The following LMNB2 variants were observed in gnomAD, a reference collection of about 807,000 sequenced individuals.
LMNB2 encodes lamin-B2.
In LMNB2, 17 loss-of-function variants were observed where a neutral mutation model predicts 69.3. The ratio of observed to expected loss-of-function variants is 0.25; its 90% CI spans 0.17 to 0.37. The LOEUF (loss-of-function observed/expected upper bound fraction) is 0.37, where lower values mean the gene tolerates loss of function less well. LMNB2 is among the 10% of genes least tolerant of loss of function. The probability of loss-of-function intolerance (pLI) is 1.00; values close to 1 mark genes in which losing one functional copy is unlikely to be tolerated. For missense variants in LMNB2, 789 were observed against 883.6 expected (o/e 0.89, Z 1.36); for synonymous variants, 397 against 389.3 (o/e 1.02, Z -0.23).
chr19:2,454,307 A>G (rs1190400858), intron 1 of LMNB2, among the ~76,000 whole-genome samples: 2 of 151,124 alleles, frequency 1.3e-5, no homozygotes, highest in African/African-American at 2.4e-5. Flanking sequence ...AAAAAAAAAA[A>G]AAAAAAGAAA....
Position 2,443,464 on chromosome 19 carries a change from GGCT to G in LMNB2, c.401+937_401+939del, listed in dbSNP as rs1365207950. Among the ~76,000 whole-genome samples the G allele has an allele frequency of 6.6e-6, 1 of 152,130 alleles. No individual in the cohort carries two copies. Among genetic ancestry groups the G allele is most frequent in the Non-Finnish European group, 1.5e-5 (1 of 68,018 alleles). ...GGACAACGTGGATTCTCAAGCCACT[GGCT>G]GCTGTCACCCCCGTACCAGGTGGCC... On this transcript the variant is annotated intron_variant, in intron 2 of 11. Coordinates refer to ENST00000325327, the MANE Select transcript of LMNB2 (RefSeq NM_032737.4). This position sits in a 1 kb window ranked among gnomAD's most constrained non-coding sequence, Gnocchi z 6.2.
At chr19:2,455,620 G>C (rs1423568028) in intron 1 of LMNB2, among the ~76,000 whole-genome samples, 1 of 151,836 alleles carries the variant, frequency 6.6e-6, no homozygotes, top group Non-Finnish European at 1.5e-5. Context: ...CTCAGGACAC[G>C]GAAGATCTCC....
intron 1 of LMNB2, among the ~76,000 whole-genome samples, chr19:2,445,897 C>G (rs1971949975): frequency 1.4e-5 from 1 of 70,544 alleles, no homozygotes; most frequent in Admixed American, 1.3e-4. Context: ...CCTTTCACCC[C>G]TCGATCACAG....
chr19:2,438,110 G>A, intron 4 of LMNB2, 53 bp downstream of exon 4: 3 of 1,609,414 alleles, frequency 1.9e-6, no homozygotes, highest in East Asian at 2.2e-5. Flanking sequence ...CAGCCATGAG[G>A]GTGGACTTTG....
At chr19:2,442,172 A>G (rs1599337058) in intron 2 of LMNB2, among the ~76,000 whole-genome samples, 1 of 152,194 alleles carries the variant, frequency 6.6e-6, no homozygotes, top group Non-Finnish European at 1.5e-5. Flanking sequence ...TAAGAAAAAC[A>G]TTAGGCTTGG....
intron 1 of LMNB2, among the ~76,000 whole-genome samples, chr19:2,445,227 T>C (rs1329556972): frequency 9.5e-6 from 1 of 105,190 alleles, no homozygotes; most frequent in Non-Finnish European, 2.0e-5. Context: ...CCCCTGAGAC[T>C]CCCCCCAGGC....
intron 1 of LMNB2, among the ~76,000 whole-genome samples, chr19:2,454,873 C>T (rs1026111224): frequency 1.3e-5 from 2 of 152,092 alleles, no homozygotes; most frequent in Non-Finnish European, 2.9e-5. Context: ...TGCACCCAGA[C>T]CCCAAGACAC....
chr19:2,431,104 A>G (rs1971733721), intron 11 of LMNB2, 152 bp from the exon 12 acceptor site: 3 of 701,048 alleles, frequency 4.3e-6, no homozygotes, highest in Admixed American at 2.1e-5. Flanking sequence ...CCATGTCCCC[A>G]TGAGCCCGCC....
At chr19:2,452,426 T>G (rs1972033440) in intron 1 of LMNB2, among the ~76,000 whole-genome samples, 1 of 147,858 alleles carries the variant, frequency 6.8e-6, no homozygotes, top group Non-Finnish European at 1.5e-5. Context: ...AGAGAGAGAC[T>G]CTGTCTAGAA....
chr19:2,438,667 C>T lies in LMNB2; in HGVS notation c.402-136G>A, dbSNP rs11882177. 7,117 of 1,070,138 alleles carry T rather than the reference C, an allele frequency of 6.7e-3. 347 individuals are homozygous for T. In the African/African-American group the frequency reaches 0.1, roughly 15 times the overall value. The allele number at this position is 1,070,138 out of a possible 1,614,324, so 66.3% of individuals were successfully genotyped here. ...GCCCCAGACCTTCCCGTCCTGCAGA[C>T]GACGCGGCCCCACGCGCCCAGGCAA... On this transcript the variant is annotated intron_variant, in intron 2 of 11. Transcript: ENST00000325327.
At chr19:2,446,621 C>T (rs990731227) in intron 1 of LMNB2, among the ~76,000 whole-genome samples, 10 of 152,212 alleles carry the variant, frequency 6.6e-5, no homozygotes, top group African/African-American at 1.7e-4. Flanking sequence ...GATGCCACTT[C>T]GCACCAGCCA....
chr19:2,439,479 C>T (rs925875387), intron 2 of LMNB2, among the ~76,000 whole-genome samples: 2 of 152,152 alleles, frequency 1.3e-5, no homozygotes, highest in African/African-American at 2.4e-5. Context: ...CCCTGGCCTC[C>T]ACCCACTTCA....
In LMNB2 at chr19:2,453,458, C is replaced by G. The variant is rs866795551; in HGVS notation, c.264+3212G>C. The stretch of plus-strand genomic sequence containing the variant: ...CATGTGGGCCCACATGACGTCCCCC[C>G]ACCAGCGGCCCCCACCCCAGCAGGC... On this transcript the variant is annotated intron_variant, in intron 1 of 11. Coordinates refer to ENST00000325327, the MANE Select transcript of LMNB2 (RefSeq NM_032737.4). This position sits in a 1 kb window ranked among gnomAD's most constrained non-coding sequence, Gnocchi z 4.4. Among the ~76,000 whole-genome samples the G allele has an allele frequency of 6.6e-6, 1 of 151,986 alleles. No individual in the cohort carries two copies. The highest frequency in any genetic ancestry group is 1.9e-4 in the East Asian group (1 of 5,174).
At position 2,435,055 on chromosome 19, in the gene LMNB2, G is replaced by A. The variant is rs778329835; in HGVS notation, c.801C>T (p.His267=). 6 of 1,610,678 alleles carry A rather than the reference G, an allele frequency of 3.7e-6. No individual in the cohort carries two copies. The highest frequency in any genetic ancestry group is 4.2e-6 in the Non-Finnish European group (5 of 1,179,672). The change falls in exon 5 of 12, where the codon CAC becomes CAT. Residue 267 remains histidine, a synonymous_variant. Coordinates refer to ENST00000325327, the MANE Select transcript of LMNB2 (RefSeq NM_032737.4). The part of the protein sequence containing the change: ...AQALEELRSQ[H]DEQVRLYKLE... ...GCTTGTAGAGCCGCACTTGCTCGTCGTGCTGGCTCCGCAGCTCCTCCAGCG... is the reference window on the plus strand; with the variant it reads ...GCTTGTAGAGCCGCACTTGCTCGTCATGCTGGCTCCGCAGCTCCTCCAGCG...
At chr19:2,438,075 G>A (rs1036805082) in intron 4 of LMNB2, 88 bp downstream of exon 4, 15 of 1,590,220 alleles carry the variant, frequency 9.4e-6, no homozygotes, top group South Asian at 2.2e-5. Context: ...CCGGCCACAC[G>A]GTGCCCTCAG....
chr19:2,430,887 G>A lies in LMNB2; in HGVS notation c.*24C>T. The A allele has an allele frequency of 1.4e-6, 2 of 1,475,104 alleles. No individual in the cohort carries two copies. Among genetic ancestry groups the A allele is most frequent in the South Asian group, 1.1e-5 (1 of 88,250 alleles). The allele number at this position is 1,475,104 out of a possible 1,614,324, so 91.4% of individuals were successfully genotyped here. ...TTTTCAGTGGCTCTGGGTAAAGAAA[G>A]GTGTGTGGATGAGGAGTGTGGGTTC... On this transcript the variant is annotated 3_prime_UTR_variant, in exon 12 of 12. Coordinates refer to ENST00000325327, the MANE Select transcript of LMNB2 (RefSeq NM_032737.4).
chr19:2,444,097 G>A (rs557017048), intron 2 of LMNB2, among the ~76,000 whole-genome samples: 2 of 152,312 alleles, frequency 1.3e-5, no homozygotes, highest in Middle Eastern at 6.8e-3. Flanking sequence ...ATGTGCAAGC[G>A]CGTGTGCACA....
intron 1 of LMNB2, among the ~76,000 whole-genome samples, chr19:2,456,196 G>A (rs887306948): frequency 1.3e-5 from 2 of 148,346 alleles, no homozygotes; most frequent in African/African-American, 2.5e-5. Context: ...GACTGTCCCC[G>A]TCTGCATCCC....
chr19:2,440,560 C>T (rs1005637055), intron 2 of LMNB2, among the ~76,000 whole-genome samples: 1 of 151,840 alleles, frequency 6.6e-6, no homozygotes, highest in Non-Finnish European at 1.5e-5. Context: ...TCCATCCATC[C>T]ATCCACCCAT....
Sources: gnomAD v4.1 joint callset for allele counts (sites outside exome capture counted in the v4.1 genomes callset) on GRCh38, gnomAD v4.1.1 for gene constraint, Gnocchi (gnomAD v3.1) non-coding constraint, MANE v1.5 for transcripts, NCBI Gene and HGNC (gene_info 2026-07-23, HGNC 2026-07-21) for gene names.